The following MAGI2 variants were observed in gnomAD, a reference collection of about 807,000 sequenced individuals.
MAGI2 encodes membrane-associated guanylate kinase, WW and PDZ domain-containing protein 2.
A neutral mutation model predicts 133.3 loss-of-function variants in MAGI2; 35 were observed. The ratio of observed to expected loss-of-function variants is 0.26; its 90% confidence interval spans 0.20 to 0.35. The LOEUF (loss-of-function observed/expected upper bound fraction) is 0.35. Among genes scored for constraint, MAGI2 ranks in the 10% least tolerant of loss-of-function variants. The pLI, the probability that MAGI2 is intolerant of heterozygous loss-of-function variation, is 1.00. For missense variants in MAGI2, 1,636 were observed against 1,863.4 expected, an observed-to-expected ratio of 0.88 and a Z score of 2.25; for synonymous variants, 729 against 710.6, an observed-to-expected ratio of 1.03 and a Z score of -0.41.
At chr7:79,067,041 T>A (rs753126820) in intron 1 of MAGI2, among the ~76,000 whole-genome samples, 3 of 152,178 alleles carry the variant, frequency 2.0e-5, no homozygotes, top group Admixed American at 6.6e-5. Context: ...ACAGGTGGCA[T>A]GATGCCTCCA....
chr7:78,811,273 T>C (rs966283584), intron 2 of MAGI2, among the ~76,000 whole-genome samples: 27 of 151,994 alleles, frequency 1.8e-4, no homozygotes, highest in African/African-American at 6.0e-4. Context: ...CTGTTAATGA[T>C]TTGGAGAAAA....
intron 6 of MAGI2, among the ~76,000 whole-genome samples, chr7:78,421,950 G>A (rs2151406596): frequency 6.6e-6 from 1 of 152,220 alleles, no homozygotes; most frequent in Admixed American, 6.5e-5. Context: ...CTAATTTCTA[G>A]CCAGCAAGGA....
intron 2 of MAGI2, among the ~76,000 whole-genome samples, chr7:78,963,476 C>A (rs578099807): frequency 6.6e-6 from 1 of 151,968 alleles, no homozygotes; most frequent in African/African-American, 2.4e-5. Flanking sequence ...AAACATAGCA[C>A]CATTTCTTTC....
At chr7:79,277,297 T>C (rs1279675216) in intron 1 of MAGI2, among the ~76,000 whole-genome samples, 1 of 152,182 alleles carries the variant, frequency 6.6e-6, no homozygotes, top group Admixed American at 6.5e-5. Context: ...TGTTAGCCTA[T>C]TTTAGCAATA....
In MAGI2 at chr7:79,315,596, C is replaced by T. The variant is rs62458965; in HGVS notation, c.301+137424G>A. 2.3e-3 allele frequency among the ~76,000 whole-genome samples: 353 copies of T among 152,138 alleles called. 1 individual carries two copies. The highest frequency in any genetic ancestry group is 2.4e-3 in the Non-Finnish European group (161 of 68,012). On this transcript the variant is annotated intron_variant, in intron 1 of 21. Transcript: ENST00000354212. Reference sequence around the variant, plus strand: ...TTTACAAGTTCAAATGATATGACAACGTACCACAGCTGTATCATAAATCCT... The same window carrying T: ...TTTACAAGTTCAAATGATATGACAATGTACCACAGCTGTATCATAAATCCT...
intron 10 of MAGI2, among the ~76,000 whole-genome samples, chr7:78,235,978 G>T (rs896718573): frequency 6.6e-6 from 1 of 150,402 alleles, no homozygotes; most frequent in Non-Finnish European, 1.5e-5. Flanking sequence ...CTAGTATTAT[G>T]ATTCCAGTTA....
chr7:78,442,827 C>T (rs1787760214), intron 6 of MAGI2, among the ~76,000 whole-genome samples: 1 of 152,122 alleles, frequency 6.6e-6, no homozygotes, highest in Non-Finnish European at 1.5e-5. Context: ...TTTGAAAATA[C>T]ATATTAAACA....
intron 6 of MAGI2, among the ~76,000 whole-genome samples, chr7:78,470,745 T>C (rs1328848903): frequency 6.6e-6 from 1 of 152,128 alleles, no homozygotes; most frequent in Non-Finnish European, 1.5e-5. Flanking sequence ...TTTCAATGCT[T>C]ATGTGAGCAA....
chr7:79,263,661 T>A (rs1834231834), intron 1 of MAGI2, among the ~76,000 whole-genome samples: 1 of 152,156 alleles, frequency 6.6e-6, no homozygotes, highest in South Asian at 2.1e-4. Context: ...CTTGGAATAG[T>A]GATTTAAGGT....
chr7:79,204,253 A>G (rs1188067364), intron 1 of MAGI2, among the ~76,000 whole-genome samples: 1 of 152,088 alleles, frequency 6.6e-6, no homozygotes, highest in African/African-American at 2.4e-5. Context: ...ACACTGTTCC[A>G]GGCTTCAGGC....
intron 1 of MAGI2, chr7:79,343,285 C>T (rs1433099983): frequency 6.6e-6 from 1 of 151,996 alleles, no homozygotes; most frequent in Admixed American, 6.6e-5. Context: ...GAATGCTTTA[C>T]AAATTTGTGT....
intron 1 of MAGI2, among the ~76,000 whole-genome samples, chr7:79,104,496 A>C (rs868368467): frequency 6.6e-6 from 1 of 152,140 alleles, no homozygotes; most frequent in Middle Eastern, 3.4e-3. Flanking sequence ...GTAAAGCCCC[A>C]TCTCTACTAA....
At chr7:79,054,524 T>C (rs1812966120) in intron 1 of MAGI2, among the ~76,000 whole-genome samples, 1 of 152,192 alleles carries the variant, frequency 6.6e-6, no homozygotes, top group Admixed American at 6.5e-5. Flanking sequence ...AATCTGTCAC[T>C]GATTCTTGTC....
chr7:78,972,569 T>A (rs2116007956), intron 2 of MAGI2, among the ~76,000 whole-genome samples: 1 of 151,992 alleles, frequency 6.6e-6, no homozygotes, highest in African/African-American at 2.4e-5. Context: ...GGTTTTAAAA[T>A]AGTGCAGAAT....
At chr7:79,028,314 CACACATATATATACATATATAT>C (rs1810198614) in intron 1 of MAGI2, among the ~76,000 whole-genome samples, 2 of 19,340 alleles carry the variant, frequency 1.0e-4, no homozygotes, top group African/African-American at 2.9e-4. Context: ...TATATATATA[CACACATATATATACATATATAT>C]ACACACACAC....
chr7:79,396,545 A>C (rs1845069380), intron 1 of MAGI2, among the ~76,000 whole-genome samples: 1 of 152,166 alleles, frequency 6.6e-6, no homozygotes, highest in Admixed American at 6.5e-5. Context: ...CTACTGAGAA[A>C]CAAGAGGCTC....
chr7:79,302,856 G>A (rs985234497), intron 1 of MAGI2, among the ~76,000 whole-genome samples: 1 of 152,126 alleles, frequency 6.6e-6, no homozygotes, highest in Non-Finnish European at 1.5e-5. Context: ...TGCAACTGAA[G>A]AATGTTATTT....
chr7:79,317,760 A>G (rs1838851503), intron 1 of MAGI2, among the ~76,000 whole-genome samples: 1 of 152,144 alleles, frequency 6.6e-6, no homozygotes. Flanking sequence ...AATAGACCCA[A>G]TACTGCCTCA....
chr7:78,805,783 T>C (rs1788524121), intron 2 of MAGI2, among the ~76,000 whole-genome samples: 1 of 152,082 alleles, frequency 6.6e-6, no homozygotes, highest in Non-Finnish European at 1.5e-5. Flanking sequence ...TAAGAAACTC[T>C]TGTGAATAAT....
Sources: gnomAD v4.1 joint callset for allele counts (sites outside exome capture counted in the v4.1 genomes callset) on GRCh38, gnomAD v4.1.1 for gene constraint, MANE v1.5 for transcripts, NCBI Gene and HGNC (gene_info 2026-07-23, HGNC 2026-07-21) for gene names.